Variants in GHR observed in about 807,000 individuals in gnomAD.
GHR encodes growth hormone receptor, also known as GH receptor.
In GHR, 35 loss-of-function variants were observed where a neutral mutation model predicts 67.1. The observed-to-expected ratio is 0.52, with a 90% CI of 0.40 to 0.69. GHR has a LOEUF of 0.69. GHR is among the 30% of genes least tolerant of loss of function. GHR has a pLI of 0.00. For missense variants in GHR, 792 were observed against 764.6 expected, an observed-to-expected ratio of 1.04 and a Z score of -0.42; for synonymous variants, 272 against 269.1, an observed-to-expected ratio of 1.01 and a Z score of -0.10.
intron 1 of GHR, among the ~76,000 whole-genome samples, chr5:42,473,683 C>T (rs1745107822): frequency 6.6e-6 from 1 of 151,292 alleles, no homozygotes; most frequent in Non-Finnish European, 1.5e-5. Flanking sequence ...TTGAGACCAT[C>T]CTGGCCAACA....
chr5:42,686,412 T>G (rs1466641238), intron 3 of GHR, among the ~76,000 whole-genome samples: 1 of 152,166 alleles, frequency 6.6e-6, no homozygotes, highest in East Asian at 1.9e-4. Context: ...TGATGAACAC[T>G]GATGCAAAAA....
At chr5:42,426,110 C>T (rs964727520) in intron 1 of GHR, among the ~76,000 whole-genome samples, 1 of 152,164 alleles carries the variant, frequency 6.6e-6, no homozygotes, top group African/African-American at 2.4e-5. Flanking sequence ...CTATCTCTGG[C>T]GCCTGCTTAA....
intron 4 of GHR, among the ~76,000 whole-genome samples, chr5:42,690,873 G>A (rs1476573185): frequency 6.6e-6 from 1 of 152,058 alleles, no homozygotes. Context: ...TGAAATGTGT[G>A]GAATCATTAA....
intron 1 of GHR, among the ~76,000 whole-genome samples, chr5:42,524,036 G>A (rs529695305): frequency 5.3e-5 from 8 of 152,138 alleles, no homozygotes; most frequent in Admixed American, 6.6e-5. Flanking sequence ...TTTCTGGTAC[G>A]TCTTTATCTG....
At chr5:42,473,812 G>C (rs1223620049) in intron 1 of GHR, among the ~76,000 whole-genome samples, 1 of 151,720 alleles carries the variant, frequency 6.6e-6, no homozygotes, top group South Asian at 2.1e-4. Flanking sequence ...TGGATGCAGA[G>C]GTTGCAATGA....
At chr5:42,448,902 A>G (rs1467805580) in intron 1 of GHR, among the ~76,000 whole-genome samples, 1 of 151,936 alleles carries the variant, frequency 6.6e-6, no homozygotes, top group Non-Finnish European at 1.5e-5. Context: ...TCCTTTCCCC[A>G]CTTCATGTTT....
In GHR at chr5:42,719,451, G is replaced by C; in HGVS notation, c.*27G>C. 1 of 1,602,508 alleles carries C rather than the reference G, an allele frequency of 6.2e-7. No individual in the cohort carries two copies. The highest frequency in any genetic ancestry group is 8.5e-7 in the Non-Finnish European group (1 of 1,175,380). On this transcript the variant is annotated 3_prime_UTR_variant, in exon 10 of 10. Coordinates refer to ENST00000230882, the MANE Select transcript of GHR (RefSeq NM_000163.5). ...CTTTCTTTGGTTTCCCAAGAGCTAC[G>C]TATTTAATAGCAAAGAATTGACTGG...
chr5:42,509,727 CT>C (rs78991290), intron 1 of GHR, among the ~76,000 whole-genome samples: 1,531 of 140,640 alleles, frequency 0.011, 12 homozygotes, highest in African/African-American at 0.02. Context: ...GGCCTCAAAC[CT>C]TTTTTTTTTT....
chr5:42,495,209 C>T (rs1746270651), intron 1 of GHR, among the ~76,000 whole-genome samples: 1 of 151,830 alleles, frequency 6.6e-6, no homozygotes, highest in Non-Finnish European at 1.5e-5. Context: ...AAGATGTGCC[C>T]ACACCACATT....
intron 2 of GHR, among the ~76,000 whole-genome samples, chr5:42,568,598 C>A (rs779492344): frequency 6.6e-6 from 1 of 152,094 alleles, no homozygotes; most frequent in South Asian, 2.1e-4. Context: ...TAAATTAGGT[C>A]GTATATCTCT....
intron 1 of GHR, among the ~76,000 whole-genome samples, chr5:42,555,662 G>A (rs368433832): frequency 3.1e-4 from 47 of 152,112 alleles, no homozygotes; most frequent in African/African-American, 1.1e-3. Flanking sequence ...GTCTGTCTGA[G>A]GGTTGAATGA....
rs34994923 is a variant in GHR at position 42,721,663 on chromosome 5, A to G, written c.*2239A>G. 1.6e-3 allele frequency: 249 copies of G among 152,794 alleles called. 1 individual carries two copies. Among genetic ancestry groups the G allele is most frequent in the African/African-American group, 5.7e-3 (235 of 41,584 alleles). 9.5% of individuals were successfully genotyped at this position (152,794 alleles called of 1,614,324 possible). On this transcript the variant is annotated 3_prime_UTR_variant, in exon 10 of 10. Transcript: ENST00000230882. ...TGACAACATTTCTATAGCCAAAAAT[A>G]GCTAAATACCTCAATCAGTCTCAGA...
At chr5:42,594,015 A>G (rs2112605082) in intron 2 of GHR, among the ~76,000 whole-genome samples, 1 of 152,338 alleles carries the variant, frequency 6.6e-6, no homozygotes, top group East Asian at 1.9e-4. Flanking sequence ...GCAGTGCTCA[A>G]ATGACTTGTT....
chr5:42,456,368 A>G (rs1161851811), intron 1 of GHR, among the ~76,000 whole-genome samples: 1 of 152,180 alleles, frequency 6.6e-6, no homozygotes, highest in African/African-American at 2.4e-5. Flanking sequence ...AGGAAAGCAG[A>G]GGTATTTTTA....
chr5:42,568,040 T>C (rs2112485855), intron 2 of GHR, among the ~76,000 whole-genome samples: 1 of 152,280 alleles, frequency 6.6e-6, no homozygotes, highest in South Asian at 2.1e-4. Context: ...TACTATTGAA[T>C]TCAGTTTGTT....
At chr5:42,599,669 C>A (rs1231515374) in intron 2 of GHR, among the ~76,000 whole-genome samples, 1 of 152,038 alleles carries the variant, frequency 6.6e-6, no homozygotes, top group Non-Finnish European at 1.5e-5. Flanking sequence ...CTGGCCCACA[C>A]CACATTTGTA....
chr5:42,537,035 A>T (rs1748288472), intron 1 of GHR, among the ~76,000 whole-genome samples: 1 of 151,926 alleles, frequency 6.6e-6, no homozygotes, highest in Non-Finnish European at 1.5e-5. Context: ...TAATGAGGTT[A>T]TTTGGATTTT....
At chr5:42,533,191 T>C (rs963187156) in intron 1 of GHR, among the ~76,000 whole-genome samples, 1 of 152,142 alleles carries the variant, frequency 6.6e-6, no homozygotes, top group African/African-American at 2.4e-5. Context: ...TAACATTAGG[T>C]ATACTTTTCA....
At chr5:42,684,190 T>TA (rs1757025583) in intron 3 of GHR, among the ~76,000 whole-genome samples, 1 of 152,202 alleles carries the variant, frequency 6.6e-6, no homozygotes, top group Non-Finnish European at 1.5e-5. Context: ...CTCTTAATTG[T>TA]AAAAGCGAAG....
Sources: allele counts gnomAD v4.1 joint callset (sites outside exome capture counted in the v4.1 genomes callset), GRCh38; gene constraint gnomAD v4.1.1; transcripts MANE v1.5; gene names NCBI Gene and HGNC (gene_info 2026-07-23, HGNC 2026-07-21).